SLC8B1: variants seen among roughly 807,000 people sequenced by gnomAD.
SLC8B1 encodes the protein solute carrier family 8 member B1, also known as mitochondrial sodium/calcium exchanger protein.
A neutral mutation model predicts 63.4 loss-of-function variants in SLC8B1; 52 were observed. The observed-to-expected ratio is 0.82, with a 90% CI of 0.66 to 1.03. SLC8B1 has a LOEUF of 1.03. SLC8B1 is among the 50% of genes least tolerant of loss of function. The pLI is 0.00. For synonymous variants in SLC8B1, 336 were observed against 323.9 expected, an observed-to-expected ratio of 1.04 and a Z score of -0.40; for missense variants, 657 against 741.7, an observed-to-expected ratio of 0.89 and a Z score of 1.33.
intron 2 of SLC8B1, among the ~76,000 whole-genome samples, chr12:113,325,870 T>A (rs1956991437): frequency 2.0e-5 from 3 of 152,182 alleles, no homozygotes; most frequent in African/African-American, 7.2e-5. Flanking sequence ...GCCCTGAATT[T>A]TTTTTGTCTG....
intron 2 of SLC8B1, among the ~76,000 whole-genome samples, chr12:113,326,445 G>A (rs1004390880): frequency 6.6e-6 from 1 of 152,126 alleles, no homozygotes; most frequent in Non-Finnish European, 1.5e-5. Context: ...TCAGCTCACT[G>A]CAACCTTTGC....
intron 2 of SLC8B1, among the ~76,000 whole-genome samples, 200 bp from the exon 3 acceptor site, chr12:113,321,548 A>G (rs1956929970): frequency 6.6e-6 from 1 of 152,126 alleles, no homozygotes; most frequent in Admixed American, 6.6e-5. Context: ...TCATGAATAC[A>G]TATTTGTTTT....
rs978992872 is a variant in SLC8B1 at position 113,333,110 on chromosome 12, G to A, written c.-82-150C>T. 2.1e-5 allele frequency: 12 copies of A among 565,290 alleles called. No individual in the cohort carries two copies. In the Middle Eastern group the frequency reaches 1.9e-3, roughly 89 times the overall value. The allele number at this position is 565,290 out of a possible 1,614,324, so 35.0% of individuals were successfully genotyped here. A position where few individuals can be genotyped will look rare whatever the true frequency, so the allele number is the denominator to read the frequency against. On this transcript the variant is annotated intron_variant, in intron 1 of 15. Transcript: ENST00000680972. ...GAGAAACCATGTTCTGCACAGTCTC[G>A]CTGGAGGGGCCCAAGGCCCTGCCCA...
intron 15 of SLC8B1, among the ~76,000 whole-genome samples, chr12:113,304,021 C>T (rs1482787325): frequency 1.3e-5 from 2 of 152,172 alleles, no homozygotes; most frequent in East Asian, 1.9e-4. Flanking sequence ...GCTGAGATTA[C>T]AGGTGTGCAC....
At chr12:113,308,112 C>G in intron 12 of SLC8B1, 1 of 309,588 alleles carries the variant, frequency 3.2e-6, no homozygotes, top group South Asian at 4.1e-5. Context: ...TTTGGGAGGC[C>G]GAGGCGGGCA....
Position 113,316,978 on chromosome 12 carries a change from C to T in SLC8B1, c.826G>A (p.Asp276Asn). Residue 276 changes from aspartate to asparagine, a missense_variant, in exon 9 of 16, where the codon GAC becomes AAC. Coordinates refer to ENST00000680972, the MANE Select transcript of SLC8B1 (RefSeq NM_001358345.2). Reference protein sequence around the residue: ...TPEILSDSEEDRVSSNTNSYD... With the variant: ...TPEILSDSEENRVSSNTNSYD... ...CTGTTGGTATTAGAAGATACCCGGT[C>T]CTCCTCGGAGTCTGAGAGGATCTCT... 2 of 1,613,406 alleles carry T rather than the reference C, an allele frequency of 1.2e-6. No homozygotes were observed. The highest frequency in any genetic ancestry group is 1.7e-6 in the Non-Finnish European group (2 of 1,179,788).
At position 113,299,952 on chromosome 12, in the gene SLC8B1, A is replaced by G; in HGVS notation, c.1580T>C (p.Val527Ala). The G allele has an allele frequency of 6.2e-7, 1 of 1,613,564 alleles. No homozygotes were observed. The highest frequency in any genetic ancestry group is 8.5e-7 in the Non-Finnish European group (1 of 1,179,986). Residue 527 changes from valine to alanine, a missense_variant, in exon 16 of 16, where the codon GTG (valine) becomes GCG (alanine). Val to Ala is a moderately conservative substitution (Grantham distance 64, BLOSUM62 0). Coordinates refer to ENST00000680972, the MANE Select transcript of SLC8B1 (RefSeq NM_001358345.2). ...EVKLEPDGLL[V>A]WVLAGALGLS... ...CCCCAGGGCGCCTGCCAGGACCCAC[A>G]CCAGCAGTCCGTCTGGCTCCAGCTG...
chr12:113,320,350 G>C lies in SLC8B1; in HGVS notation c.675C>G (p.Val225=), dbSNP rs750096393. 1.9e-6 allele frequency: 3 copies of C among 1,614,136 alleles called. No homozygotes were observed. The South Asian group carries it at 3.3e-5, about 18-fold the overall frequency. The part of the protein sequence containing the change: ...LTFLMLFRGR[V]TLAWALGYLG... ...GCTCACCCAGAGCCCATGCCAGGGT[G>C]ACCCTGCCACGGAAGAGCATGAGGA... The change falls in exon 7 of 16, where the codon GTC becomes GTG. Residue 225 remains valine (V), a synonymous_variant. Transcript: ENST00000680972. The surrounding 1 kb of genome is among the most constrained non-coding windows in gnomAD (Gnocchi z 5.3).
rs1040676518 is a variant in SLC8B1 at position 113,332,955 on chromosome 12, G to A, written c.-77C>T. ...TCAGTTCCAAACAGCTGGCGGCTCC[G>A]GTGGCCTGCAAGGTGGGAGTGAGAA... On this transcript the variant is annotated 5_prime_UTR_variant, in exon 2 of 16. Transcript: ENST00000680972. The A allele has an allele frequency of 2.4e-5, 37 of 1,554,650 alleles. No homozygotes were observed. The highest frequency in any genetic ancestry group is 9.5e-5 in the African/African-American group (7 of 73,448).
rs1254385902 is a variant in SLC8B1, at chr12:113,315,294, G to A, written c.1135+41C>T. 4 of 1,468,074 alleles carry A rather than the reference G, an allele frequency of 2.7e-6. No homozygotes were observed. In the Admixed American group the frequency reaches 1.0e-4, roughly 37 times the overall value. 90.9% of individuals were successfully genotyped at this position (1,468,074 alleles called of 1,614,324 possible). A position where few individuals can be genotyped will look rare whatever the true frequency, so the allele number is the denominator to read the frequency against. ...GGAAGAAAACTCCAGAACGTGGGAA[G>A]GAGTAGGAAGGTGGGTTGGCCCGGG... On this transcript the variant is annotated intron_variant, in intron 11 of 15. Coordinates refer to ENST00000680972, the MANE Select transcript of SLC8B1 (RefSeq NM_001358345.2).
Position 113,332,735 on chromosome 12 carries a change from G to A in SLC8B1, c.144C>T (p.Thr48=). 1 of 1,613,856 alleles carries A rather than the reference G, an allele frequency of 6.2e-7. No individual in the cohort carries two copies. The highest frequency in any genetic ancestry group is 1.1e-5 in the South Asian group (1 of 91,042). The change falls in exon 2 of 16, where the codon ACC becomes ACT. Residue 48 remains threonine, a synonymous_variant. Coordinates refer to ENST00000680972, the MANE Select transcript of SLC8B1 (RefSeq NM_001358345.2). ...PQFPASGVNQ[T]PVVDCRKVCG... ...CCGGGATACTCACGTCTACCACGGGGGTCTGGTTCACACCTGAAGCTGGAA... is the reference window on the plus strand; with the variant it reads ...CCGGGATACTCACGTCTACCACGGGAGTCTGGTTCACACCTGAAGCTGGAA...
intron 15 of SLC8B1, chr12:113,302,441 G>A: frequency 3.5e-6 from 1 of 282,522 alleles, no homozygotes; most frequent in Non-Finnish European, 7.2e-6. Context: ...AATTTCTGCT[G>A]TTGTCAGCCC....
chr12:113,320,481 T>C lies in SLC8B1; in HGVS notation c.544A>G (p.Thr182Ala), dbSNP rs1276107120. The change falls in exon 7 of 16, where the codon ACC (threonine) becomes GCC (alanine). Residue 182 changes from threonine to alanine, a missense_variant. By Grantham distance (58) the Thr-to-Ala change is moderately conservative. Transcript: ENST00000680972. This position sits in a 1 kb window ranked among gnomAD's most constrained non-coding sequence, Gnocchi z 5.3. ...GALFGAGVLV[T>A]TVVAGGITIL... ...GTAATGCCTCCGGCCACCACTGTGG[T>C]AACCAGCACGCCAGCGCCTGGGGGG... is the stretch of plus-strand genomic sequence containing the variant. 1.9e-6 allele frequency: 3 copies of C among 1,614,086 alleles called. No homozygotes were observed. In the South Asian group the frequency reaches 3.3e-5, roughly 18 times the overall value.
chr12:113,320,230 GCC>G lies in SLC8B1; in HGVS notation c.694+99_694+100del. The G allele has an allele frequency of 7.3e-7, 1 of 1,368,360 alleles. No homozygotes were observed. The highest frequency in any genetic ancestry group is 1.0e-6 in the Non-Finnish European group (1 of 1,004,462). The allele number at this position is 1,368,360 out of a possible 1,614,324, so 84.8% of individuals were successfully genotyped here. On this transcript the variant is annotated intron_variant, in intron 7 of 15. Transcript: ENST00000680972. This position sits in a 1 kb window ranked among gnomAD's most constrained non-coding sequence, Gnocchi z 5.3. ...TTCTGTCACTTGTAATCAAATCAAAGCCCCCACTGACCACCCCTCACACCTCT... is the reference window on the plus strand; with the variant it reads ...TTCTGTCACTTGTAATCAAATCAAAGCCCACTGACCACCCCTCACACCTCT...
chr12:113,321,369 G>A, intron 2 of SLC8B1, 21 bp from the exon 3 acceptor site: 9 of 1,613,984 alleles, frequency 5.6e-6, no homozygotes, highest in Non-Finnish European at 7.6e-6. Flanking sequence ...ACAGGGAGGG[G>A]GACATCAGCG....
At chr12:113,332,640 G>A in intron 2 of SLC8B1, 83 bp downstream of exon 2, 1 of 1,478,402 alleles carries the variant, frequency 6.8e-7, no homozygotes, top group Non-Finnish European at 9.1e-7. Context: ...TCAGTGCCTG[G>A]CACATAGTAG....
rs200573866 is a variant in SLC8B1, at chr12:113,320,954, C to T, written c.363-47G>A. 2.7e-3 allele frequency: 4,273 copies of T among 1,591,174 alleles called. 9 individuals carry two copies. Among genetic ancestry groups the T allele is most frequent in the Non-Finnish European group, 3.3e-3 (3,892 of 1,169,914 alleles). On this transcript the variant is annotated intron_variant, in intron 4 of 15. Transcript: ENST00000680972. The surrounding 1 kb of genome is among the most constrained non-coding windows in gnomAD (Gnocchi z 5.3). Reference sequence around the variant, plus strand: ...GAAGCATTTCCGTAGTAACCGGCCCCGGACCCCTATCCTTCCCCCAAACTG... The same window carrying T: ...GAAGCATTTCCGTAGTAACCGGCCCTGGACCCCTATCCTTCCCCCAAACTG...
chr12:113,327,981 A>G (rs1258002466), intron 2 of SLC8B1, among the ~76,000 whole-genome samples: 1 of 142,146 alleles, frequency 7.0e-6, no homozygotes, highest in East Asian at 2.0e-4. Context: ...TACGTCTCCA[A>G]AAAAAAAAAA....
In SLC8B1 at chr12:113,310,245, T is replaced by TG. The variant is rs750395022; in HGVS notation, c.1245dup (p.Arg416GlnfsTer160). On this transcript the variant is annotated frameshift_variant, in exon 12 of 16. Coordinates refer to ENST00000680972, the MANE Select transcript of SLC8B1 (RefSeq NM_001358345.2). LOFTEE classifies it high-confidence loss of function. ...CCCGGGCTTCTTACCCAGTGAAGCC[T>TG]GGGGGGCTGGCTGTCAGATGTGGCA... 9 of 1,613,572 alleles carry TG rather than the reference T, an allele frequency of 5.6e-6. No homozygotes were observed. In the African/African-American group the frequency reaches 9.3e-5, roughly 17 times the overall value.
Sources: gnomAD v4.1 joint callset for allele counts (sites outside exome capture counted in the v4.1 genomes callset) on GRCh38, gnomAD v4.1.1 for gene constraint, Gnocchi (gnomAD v3.1) non-coding constraint, MANE v1.5 for transcripts, NCBI Gene and HGNC (gene_info 2026-07-23, HGNC 2026-07-21) for gene names.